The following ZFHX3 variants were observed in gnomAD, a reference collection of about 807,000 sequenced individuals.
The protein encoded by ZFHX3 is zinc finger homeobox protein 3.
Under a neutral mutation model 279.1 loss-of-function variants are expected in ZFHX3, and 42 were observed. The observed-to-expected ratio is 0.15, with a 90% CI of 0.12 to 0.19. ZFHX3 has a LOEUF of 0.19. Ranked by LOEUF, ZFHX3 falls within the 10% of genes least tolerant of loss-of-function variation. The pLI is 1.00. For synonymous variants in ZFHX3, 2,293 were observed against 1,957.8 expected, an observed-to-expected ratio of 1.17 and a Z score of -4.52; for missense variants, 4,981 against 4,754.0, an observed-to-expected ratio of 1.05 and a Z score of -1.40.
At chr16:73,369,212 T>C (rs940533333) in intron 3 of ZFHX3, among the ~76,000 whole-genome samples, 6 of 152,198 alleles carry the variant, frequency 3.9e-5, no homozygotes, top group African/African-American at 1.4e-4. Flanking sequence ...AGAAATACTT[T>C]CTACTTGCCA....
chr16:73,506,790 G>T (rs536432932), intron 2 of ZFHX3, among the ~76,000 whole-genome samples: 53 of 152,070 alleles, frequency 3.5e-4, no homozygotes, highest in Non-Finnish European at 1.8e-4. Context: ...GAGACAGCAG[G>T]TTGTATGATC....
Position 72,797,923 on chromosome 16 carries a change from G to C in ZFHX3, c.4759C>G (p.Pro1587Ala), listed in dbSNP as rs1471430723. 6.2e-7 allele frequency: 1 copy of C among 1,614,080 alleles called. No individual in the cohort carries two copies. The highest frequency in any genetic ancestry group is 1.7e-5 in the Admixed American group (1 of 60,008). ...LQESATGQPE[P>A]TSSPDNKPFK... Reference sequence around the variant, plus strand: ...GGTTTGTTGTCTGGGCTGCTGGTGGGTTCTGGCTGACCGGTTGCTGATTCT... The same window carrying C: ...GGTTTGTTGTCTGGGCTGCTGGTGGCTTCTGGCTGACCGGTTGCTGATTCT... The change falls in exon 9 of 10, where the codon CCC becomes GCC. Residue 1587 changes from proline to alanine, a missense_variant. Physicochemically the swap from Pro to Ala is conservative, Grantham distance 27. Coordinates refer to ENST00000268489, the MANE Select transcript of ZFHX3 (RefSeq NM_006885.4).
In ZFHX3 at chr16:73,508,464, T is replaced by C. The variant is rs374478462; in HGVS notation, c.-1546-52206A>G. On this transcript the variant is annotated intron_variant, in intron 2 of 17. Coordinates refer to the ZFHX3 transcript ENST00000641206. ...ACCACCATGGAATACTCCATGCCAG[T>C]GAAAGGATATTATGCTTCAAGCACA... Among the ~76,000 whole-genome samples the C allele has an allele frequency of 6.6e-5, 10 of 152,226 alleles. No individual in the cohort carries two copies. The East Asian group carries it at 7.7e-4, about 12-fold the overall frequency.
chr16:73,546,459 C>T (rs1388737692), intron 2 of ZFHX3, among the ~76,000 whole-genome samples: 1 of 128,646 alleles, frequency 7.8e-6, no homozygotes, highest in East Asian at 2.4e-4. Context: ...GTTGGTATTA[C>T]AGGGTCGGTA....
chr16:72,989,408 G>C (rs1344749354), intron 1 of ZFHX3, among the ~76,000 whole-genome samples: 2 of 151,840 alleles, frequency 1.3e-5, no homozygotes, highest in Non-Finnish European at 2.9e-5. Flanking sequence ...CTTGAACCCA[G>C]GAGGTGGAAG....
intron 1 of ZFHX3, among the ~76,000 whole-genome samples, chr16:72,979,190 T>C (rs2144534975): frequency 6.6e-6 from 1 of 152,340 alleles, no homozygotes; most frequent in Middle Eastern, 3.4e-3. Flanking sequence ...TCCACCTCCA[T>C]CATCCTCAGC....
intron 1 of ZFHX3, among the ~76,000 whole-genome samples, chr16:73,716,612 AAC>A (rs144449904): frequency 0.013 from 406 of 31,746 alleles, 2 homozygotes; most frequent in East Asian, 0.057. Flanking sequence ...TCTTACTCTG[AAC>A]ACACACACAC....
At chr16:73,178,885 A>G (rs1007905316) in intron 5 of ZFHX3, among the ~76,000 whole-genome samples, 7 of 152,128 alleles carry the variant, frequency 4.6e-5, no homozygotes, top group Non-Finnish European at 8.8e-5. Context: ...CCATCCATGC[A>G]CCTACCCACC....
chr16:72,970,798 TG>T (rs1962072229), intron 1 of ZFHX3, among the ~76,000 whole-genome samples: 1 of 152,184 alleles, frequency 6.6e-6, no homozygotes, highest in Non-Finnish European at 1.5e-5. Flanking sequence ...TCTCCACTCT[TG>T]CTATTGGGAT....
rs533259026 is a variant in ZFHX3, at chr16:72,815,234, C to T, written c.3530-3196G>A. Among the ~76,000 whole-genome samples, 41 of 152,022 alleles carry T rather than the reference C, an allele frequency of 2.7e-4. No individual in the cohort carries two copies. In the South Asian group the frequency reaches 7.5e-3, roughly 28 times the overall value. ...ACCAGCCTAGGCAACATGGTGAAAC[C>T]GCATCTCTACAAAAATTACAAAAAT... On this transcript the variant is annotated intron_variant, in intron 5 of 9. Transcript: ENST00000268489.
chr16:73,782,728 G>T (rs548402005), intron 1 of ZFHX3, among the ~76,000 whole-genome samples: 27 of 152,284 alleles, frequency 1.8e-4, no homozygotes, highest in African/African-American at 6.3e-4. Context: ...TTCTGCCCTT[G>T]TCTGCAATAA....
intron 1 of ZFHX3, among the ~76,000 whole-genome samples, chr16:73,857,590 C>T (rs1172327014): frequency 6.6e-6 from 1 of 152,126 alleles, no homozygotes; most frequent in Non-Finnish European, 1.5e-5. Context: ...TCTCGTGAAA[C>T]GTGGGATACG....
chr16:73,549,606 G>A (rs1441356369), intron 2 of ZFHX3, among the ~76,000 whole-genome samples: 1 of 152,034 alleles, frequency 6.6e-6, no homozygotes, highest in Non-Finnish European at 1.5e-5. Flanking sequence ...TATGTTGTTG[G>A]TTTCCTTTTG....
At chr16:73,405,761 C>CAT (rs113242173) in intron 3 of ZFHX3, among the ~76,000 whole-genome samples, 9,480 of 152,170 alleles carry the variant, frequency 0.062, 723 homozygotes, top group African/African-American at 0.18. Flanking sequence ...CATGGGGATG[C>CAT]ATATTTCACT....
At position 72,999,997 on chromosome 16, in the gene ZFHX3, T is replaced by C. The variant is rs139769574; in HGVS notation, c.-49-39803A>G. 4.8e-4 allele frequency among the ~76,000 whole-genome samples: 73 copies of C among 152,304 alleles called. 1 individual carries two copies. The highest frequency in any genetic ancestry group is 1.5e-3 in the African/African-American group (61 of 41,584). ...CTTTGGCTGCAGGCAAGAGAAGGTG[T>C]GCACAGAGTTTTGAAGGAAAGACTG... On this transcript the variant is annotated intron_variant, in intron 1 of 9. Transcript: ENST00000268489.
At chr16:73,679,208 A>C (rs968433429) in intron 2 of ZFHX3, among the ~76,000 whole-genome samples, 17 of 152,040 alleles carry the variant, frequency 1.1e-4, no homozygotes, top group Non-Finnish European at 1.9e-4. Context: ...TAGTCTACTC[A>C]ACACTTCATC....
intron 5 of ZFHX3, among the ~76,000 whole-genome samples, chr16:73,204,750 A>G: frequency 6.6e-6 from 1 of 152,210 alleles, no homozygotes; most frequent in East Asian, 1.9e-4. Flanking sequence ...AAGAGCATAA[A>G]TAGCCTAGCA....
At position 73,244,564 on chromosome 16, in the gene ZFHX3, C is replaced by T. The variant is rs567382781; in HGVS notation, c.-1104+12483G>A. On this transcript the variant is annotated intron_variant, in intron 5 of 17. Coordinates refer to the ZFHX3 transcript ENST00000641206. ...GAGGAGTTTCCAGGCTGTGGAAATG[C>T]CAAAGGTGAAAATGACAAAGTGGAA... Among the ~76,000 whole-genome samples, 5 of 152,284 alleles carry T rather than the reference C, an allele frequency of 3.3e-5. No individual in the cohort carries two copies. In the South Asian group the frequency reaches 1.0e-3, roughly 32 times the overall value.
At chr16:73,051,374 C>T (rs909959005), upstream of ZFHX3, among the ~76,000 whole-genome samples, 9 of 152,136 alleles carry the variant, frequency 5.9e-5, no homozygotes, top group Admixed American at 4.6e-4. Flanking sequence ...GCCTGGTACC[C>T]GCTGGGTGGC....
Sources: gnomAD v4.1 joint callset for allele counts (sites outside exome capture counted in the v4.1 genomes callset) on GRCh38, gnomAD v4.1.1 for gene constraint, MANE v1.5 for transcripts, NCBI Gene and HGNC (gene_info 2026-07-23, HGNC 2026-07-21) for gene names.